The following TMX1 variants were observed in gnomAD, a reference collection of about 807,000 sequenced individuals.
The protein encoded by TMX1 is thioredoxin related transmembrane protein 1.
TMX1 carries 25 observed loss-of-function variants against 36.6 expected under a neutral mutation model. That is an observed-to-expected ratio of 0.68 (90% CI 0.50 to 0.95). The LOEUF is 0.95. TMX1 is among the 40% of genes least tolerant of loss of function. TMX1 has a pLI of 0.00. For missense variants in TMX1, 347 were observed against 339.6 expected (o/e 1.02, Z -0.17); for synonymous variants, 133 against 118.0 (o/e 1.13, Z -0.82).
chr14:51,249,871 C>A, intron 7 of TMX1, 106 bp downstream of exon 7: 2 of 828,772 alleles, frequency 2.4e-6, no homozygotes, highest in Non-Finnish European at 3.7e-6. Context: ...AGAATTCTAA[C>A]TGTGGATTGT....
chr14:51,240,268 C>A lies in TMX1; in HGVS notation c.-25C>A. On this transcript the variant is annotated 5_prime_UTR_variant, in exon 1 of 8. Transcript: ENST00000457354. ...CGGAAGTGGGAGCTGCGACCGCGCTCCCTGTGAGGTGGGCAAGCGGCGAAA... is the reference window on the plus strand; with the variant it reads ...CGGAAGTGGGAGCTGCGACCGCGCTACCTGTGAGGTGGGCAAGCGGCGAAA... 6.2e-7 allele frequency: 1 copy of A among 1,605,268 alleles called. No individual in the cohort carries two copies. Among genetic ancestry groups the A allele is most frequent in the East Asian group, 2.2e-5 (1 of 44,862 alleles).
rs775309487 is a variant in TMX1 at position 51,256,769 on chromosome 14, T to G, written c.*2250T>G. ...TTGTTGTTTTCTTGTATTTATTAAT[T>G]TAGTCCTAATGACAACTGCAAGACA... is the stretch of plus-strand genomic sequence containing the variant. On this transcript the variant is annotated 3_prime_UTR_variant, in exon 8 of 8. Coordinates refer to ENST00000457354, the MANE Select transcript of TMX1 (RefSeq NM_030755.5). 1 of 152,200 alleles carries G rather than the reference T, an allele frequency of 6.6e-6. No homozygotes were observed. The highest frequency in any genetic ancestry group is 6.5e-5 in the Admixed American group (1 of 15,280). The allele number at this position is 152,200 out of a possible 1,614,324, so 9.4% of individuals were successfully genotyped here.
At chr14:51,244,045 A>G (rs867110885) in intron 2 of TMX1, 74 bp downstream of exon 2, 19 of 1,214,206 alleles carry the variant, frequency 1.6e-5, no homozygotes, top group Non-Finnish European at 1.9e-5. Context: ...TCTACATTGC[A>G]TAGTCTTAAT....
rs1441490411 is a variant in TMX1 at position 51,254,356 on chromosome 14, A to G, written c.680A>G (p.Glu227Gly). ...TGTCTTTAAGAAAAATTATTATCAG[A>G]ATCTGCACAACCTTTGAAAAAAGTG... Reference protein sequence around the residue: ...YPYPSKKLLSESAQPLKKVEE... With the variant: ...YPYPSKKLLSGSAQPLKKVEE... The change falls in exon 8 of 8, where the codon GAA becomes GGA. Residue 227 changes from glutamate to glycine, a missense_variant. By Grantham distance (98) the Glu-to-Gly change is moderately conservative (BLOSUM62 -2). Transcript: ENST00000457354. 6.3e-7 allele frequency: 1 copy of G among 1,592,134 alleles called. No individual in the cohort carries two copies. Among genetic ancestry groups the G allele is most frequent in the Non-Finnish European group, 8.5e-7 (1 of 1,174,380 alleles).
At chr14:51,247,793 A>C in intron 4 of TMX1, among the ~76,000 whole-genome samples, 1 of 152,210 alleles carries the variant, frequency 6.6e-6, no homozygotes, top group Non-Finnish European at 1.5e-5. Context: ...GGTCATATGT[A>C]TCATCAAAAA....
At chr14:51,242,742 C>T (rs2065767638) in intron 1 of TMX1, among the ~76,000 whole-genome samples, 1 of 151,754 alleles carries the variant, frequency 6.6e-6, no homozygotes, top group Non-Finnish European at 1.5e-5. Context: ...GCGCCACTGC[C>T]CTCCAGCCTG....
chr14:51,247,275 T>TCA, intron 4 of TMX1, 55 bp downstream of exon 4: 1 of 1,565,354 alleles, frequency 6.4e-7, no homozygotes, highest in Non-Finnish European at 8.6e-7. Flanking sequence ...GAACAGATAA[T>TCA]TATATTTTAT....
intron 1 of TMX1, among the ~76,000 whole-genome samples, chr14:51,241,855 C>T (rs1456091214): frequency 6.6e-6 from 1 of 152,158 alleles, no homozygotes; most frequent in East Asian, 1.9e-4. Flanking sequence ...AACTGGCCGG[C>T]GCGGTGGCTC....
intron 1 of TMX1, among the ~76,000 whole-genome samples, chr14:51,242,440 A>G (rs2065766476): frequency 6.6e-6 from 1 of 152,242 alleles, no homozygotes; most frequent in South Asian, 2.1e-4. Context: ...CAGAAGTAGT[A>G]TTAAGGAGAA....
intron 7 of TMX1, among the ~76,000 whole-genome samples, chr14:51,250,611 C>T (rs572836263): frequency 6.6e-6 from 1 of 152,194 alleles, no homozygotes; most frequent in Non-Finnish European, 1.5e-5. Flanking sequence ...CCTGCCTTGC[C>T]CTGCCGAGTA....
At chr14:51,252,037 A>C (rs2065816535) in intron 7 of TMX1, among the ~76,000 whole-genome samples, 1 of 152,084 alleles carries the variant, frequency 6.6e-6, no homozygotes, top group Non-Finnish European at 1.5e-5. Context: ...ACTGGTGTAC[A>C]CAAAGAGGTA....
At chr14:51,247,354 T>A in intron 4 of TMX1, 134 bp downstream of exon 4, 20 of 351,460 alleles carry the variant, frequency 5.7e-5, no homozygotes, top group Non-Finnish European at 7.3e-5. Flanking sequence ...CATGTTTGAT[T>A]TTTTTTTTTT....
At chr14:51,247,292 C>T (rs2065790238) in intron 4 of TMX1, 72 bp downstream of exon 4, 3 of 1,469,796 alleles carry the variant, frequency 2.0e-6, no homozygotes, top group Non-Finnish European at 2.7e-6. Context: ...TTATGTAAAG[C>T]ATTCATACTC....
intron 4 of TMX1, among the ~76,000 whole-genome samples, chr14:51,248,140 G>A (rs576670382): frequency 3.0e-4 from 45 of 152,294 alleles, no homozygotes; most frequent in South Asian, 1.7e-3. Flanking sequence ...GAATTTCCTC[G>A]TAGCAACTGG....
intron 4 of TMX1, among the ~76,000 whole-genome samples, chr14:51,248,485 G>A (rs2065796938): frequency 6.6e-6 from 1 of 152,202 alleles, no homozygotes; most frequent in African/African-American, 2.4e-5. Flanking sequence ...GCAGACTACA[G>A]TGAGGCTATA....
intron 3 of TMX1, 120 bp from the exon 4 acceptor site, chr14:51,246,972 T>C: frequency 1.2e-6 from 1 of 855,230 alleles, no homozygotes; most frequent in Non-Finnish European, 1.7e-6. Flanking sequence ...CTATTAATAC[T>C]TGTACATTGC....
At chr14:51,248,450 C>A (rs934355192) in intron 4 of TMX1, among the ~76,000 whole-genome samples, 2 of 152,210 alleles carry the variant, frequency 1.3e-5, no homozygotes, top group Non-Finnish European at 2.9e-5. Flanking sequence ...AATTTTGGAT[C>A]CTACTGTTTC....
rs1465176792 is a variant in TMX1 at position 51,255,370 on chromosome 14, T to C, written c.*851T>C. On this transcript the variant is annotated 3_prime_UTR_variant, in exon 8 of 8. Transcript: ENST00000457354. ...ACTTTTTTCAGATTTTACATCATTCTTGCTGAACTTCAACTTGAAATTGTT... is the reference window on the plus strand; with the variant it reads ...ACTTTTTTCAGATTTTACATCATTCCTGCTGAACTTCAACTTGAAATTGTT... 1 of 149,814 alleles carries C rather than the reference T, an allele frequency of 6.7e-6. No homozygotes were observed. Among genetic ancestry groups the C allele is most frequent in the Non-Finnish European group, 1.5e-5 (1 of 67,284 alleles). The allele number at this position is 149,814 out of a possible 1,614,324, so 9.3% of individuals were successfully genotyped here. A position where few individuals can be genotyped will look rare whatever the true frequency, so the allele number is the denominator to read the frequency against.
chr14:51,254,256 G>A, intron 7 of TMX1, 85 bp from the exon 8 acceptor site: 1 of 1,217,892 alleles, frequency 8.2e-7, no homozygotes. Context: ...GCAGTTTTGG[G>A]GCATATGAGA....
Sources: allele counts gnomAD v4.1 joint callset (sites outside exome capture counted in the v4.1 genomes callset), GRCh38; gene constraint gnomAD v4.1.1; transcripts MANE v1.5; gene names NCBI Gene and HGNC (gene_info 2026-07-23, HGNC 2026-07-21).